NRXN2: variants seen among roughly 807,000 people sequenced by gnomAD.
NRXN2 encodes neurexin-2-beta.
Under a neutral mutation model 128.8 loss-of-function variants are expected in NRXN2, and 29 were observed. That is an observed-to-expected ratio of 0.23 (90% CI 0.17 to 0.31). The LOEUF (loss-of-function observed/expected upper bound fraction) is 0.31, where lower values mean the gene tolerates loss of function less well. Ranked by LOEUF, NRXN2 falls within the 10% of genes least tolerant of loss-of-function variation. NRXN2 has a pLI of 1.00. For missense variants in NRXN2, 1,881 were observed against 2,452.6 expected (o/e 0.77, Z 4.92); for synonymous variants, 1,098 against 1,075.2 (o/e 1.02, Z -0.41).
chr11:64,679,235 A>G (rs1361367063), intron 6 of NRXN2, among the ~76,000 whole-genome samples: 5 of 152,228 alleles, frequency 3.3e-5, no homozygotes, highest in African/African-American at 7.2e-5. Flanking sequence ...TAAAAATCCA[A>G]TTACTACTCT....
intron 19 of NRXN2, among the ~76,000 whole-genome samples, chr11:64,628,853 A>G (rs1034901459): frequency 2.0e-5 from 3 of 152,136 alleles, no homozygotes; most frequent in African/African-American, 4.8e-5. Flanking sequence ...GTGTCCCTAC[A>G]TGTACCCAGG....
At chr11:64,702,118 G>A (rs1447150758) in intron 2 of NRXN2, among the ~76,000 whole-genome samples, 28 of 147,204 alleles carry the variant, frequency 1.9e-4, no homozygotes, top group Admixed American at 3.3e-4. Flanking sequence ...CCGCCCGTCC[G>A]GGAGGTAGGT....
At chr11:64,693,233 T>G (rs1258727296) in intron 3 of NRXN2, among the ~76,000 whole-genome samples, 2 of 150,960 alleles carry the variant, frequency 1.3e-5, no homozygotes, top group Non-Finnish European at 2.9e-5. Flanking sequence ...TGGTTTCTTT[T>G]TTTCTTCTTG....
At chr11:64,615,870 ATG>A (rs1164856088) in intron 22 of NRXN2, among the ~76,000 whole-genome samples, 1 of 76,938 alleles carries the variant, frequency 1.3e-5, no homozygotes, top group Non-Finnish European at 2.8e-5. Context: ...GTGTGTGTGT[ATG>A]TGTATACCTC....
At chr11:64,659,072 T>G (rs1348467622) in intron 11 of NRXN2, among the ~76,000 whole-genome samples, 1 of 152,216 alleles carries the variant, frequency 6.6e-6, no homozygotes, top group Non-Finnish European at 1.5e-5. Context: ...CAGTCGAGGA[T>G]TCTAACCTGC....
chr11:64,708,285 G>C (rs2135656870), intron 2 of NRXN2, among the ~76,000 whole-genome samples: 1 of 152,252 alleles, frequency 6.6e-6, no homozygotes, highest in Middle Eastern at 3.4e-3. Context: ...ATTACGACTA[G>C]TTTCCTATTT....
At position 64,685,956 on chromosome 11, in the gene NRXN2, C is replaced by T. The variant is rs573837798; in HGVS notation, c.851-9G>A. On this transcript the variant is annotated splice_polypyrimidine_tract_variant and intron_variant, in intron 5 of 22. Coordinates refer to ENST00000265459, the MANE Select transcript of NRXN2 (RefSeq NM_015080.4). Reference sequence around the variant, plus strand: ...CACAAACTCCTCCTTGCCTGGATGCCGTGGTGTGGGGAAACGGGAGAAGGC... The same window carrying T: ...CACAAACTCCTCCTTGCCTGGATGCTGTGGTGTGGGGAAACGGGAGAAGGC... The T allele has an allele frequency of 1.2e-6, 2 of 1,614,096 alleles. No individual in the cohort carries two copies. The highest frequency in any genetic ancestry group is 1.3e-5 in the African/African-American group (1 of 75,018).
chr11:64,672,388 C>G (rs540936581), intron 7 of NRXN2, among the ~76,000 whole-genome samples: 1 of 152,340 alleles, frequency 6.6e-6, no homozygotes, highest in African/African-American at 2.4e-5. Context: ...GGGAAGTATC[C>G]TTCTGCCATC....
At chr11:64,679,770 A>G (rs1034970147) in intron 6 of NRXN2, among the ~76,000 whole-genome samples, 1 of 152,164 alleles carries the variant, frequency 6.6e-6, no homozygotes, top group Admixed American at 6.5e-5. Flanking sequence ...GGGCCCCTCT[A>G]GACCTAGGGA....
Position 64,677,045 on chromosome 11 carries a change from G to T in NRXN2, c.1153-8C>A. The T allele has an allele frequency of 1.3e-6, 2 of 1,518,316 alleles. No individual in the cohort carries two copies. Among genetic ancestry groups the T allele is most frequent in the Non-Finnish European group, 1.8e-6 (2 of 1,121,970 alleles). 94.1% of individuals were successfully genotyped at this position (1,518,316 alleles called of 1,614,324 possible). A position where few individuals can be genotyped will look rare whatever the true frequency, so the allele number is the denominator to read the frequency against. On this transcript the variant is annotated splice_polypyrimidine_tract_variant and splice_region_variant and intron_variant, in intron 6 of 22. Transcript: ENST00000265459. ...GTGTCCAATCCCTGCGTGCTTCACC[G>T]GAGATATGGGGGGATGGGGAGGAGG...
chr11:64,672,469 TG>T (rs2050761659), intron 7 of NRXN2, among the ~76,000 whole-genome samples: 1 of 152,122 alleles, frequency 6.6e-6, no homozygotes, highest in Non-Finnish European at 1.5e-5. Context: ...GGACTTAATC[TG>T]GGGAGAACAA....
chr11:64,694,736 T>C (rs903566749), intron 3 of NRXN2, among the ~76,000 whole-genome samples: 2 of 152,100 alleles, frequency 1.3e-5, no homozygotes, highest in African/African-American at 4.8e-5. Flanking sequence ...CAGCATCTCC[T>C]TCCAAACCCC....
At position 64,606,941 on chromosome 11, in the gene NRXN2, G is replaced by A; in HGVS notation, c.*255C>T. Reference sequence around the variant, plus strand: ...AAAATAAATCAACCCAGGGCTGTGAGCACGTGCCCTGCCTGGCAGGCGCAG... The same window carrying A: ...AAAATAAATCAACCCAGGGCTGTGAACACGTGCCCTGCCTGGCAGGCGCAG... On this transcript the variant is annotated 3_prime_UTR_variant, in exon 23 of 23. Coordinates refer to ENST00000265459, the MANE Select transcript of NRXN2 (RefSeq NM_015080.4). 1.8e-6 allele frequency: 1 copy of A among 546,478 alleles called. No homozygotes were observed. Among genetic ancestry groups the A allele is most frequent in the Middle Eastern group, 4.8e-4 (1 of 2,070 alleles). 33.9% of individuals were successfully genotyped at this position (546,478 alleles called of 1,614,324 possible).
chr11:64,665,024 T>C (rs1427767550), intron 9 of NRXN2, among the ~76,000 whole-genome samples: 2 of 148,590 alleles, frequency 1.3e-5, no homozygotes, highest in East Asian at 4.0e-4. Context: ...GGCTCACGCC[T>C]GTAATCCCAA....
At chr11:64,720,983 G>A (rs368792507) in intron 1 of NRXN2, among the ~76,000 whole-genome samples, 21 of 152,236 alleles carry the variant, frequency 1.4e-4, no homozygotes, top group African/African-American at 4.8e-4. Context: ...GCAGTGCTGC[G>A]CTGGGGGCTC....
chr11:64,686,805 G>A (rs2053122499), intron 5 of NRXN2, among the ~76,000 whole-genome samples: 1 of 152,224 alleles, frequency 6.6e-6, no homozygotes, highest in Admixed American at 6.5e-5. Context: ...GTGCATGTAT[G>A]TCCATAGGCA....
intron 11 of NRXN2, 125 bp from the exon 12 acceptor site, chr11:64,653,847 C>T (rs1314006211): frequency 1.6e-5 from 11 of 696,834 alleles, no homozygotes; most frequent in Non-Finnish European, 2.2e-5. Context: ...GGCCACTTTC[C>T]GGGGACCACG....
rs956501468 is a variant in NRXN2, at chr11:64,651,411, G to T, written c.2762C>A (p.Thr921Asn). Residue 921 changes from threonine (T) to asparagine (N), a missense_variant, in exon 14 of 23, where the codon ACC becomes AAC. Coordinates refer to ENST00000265459, the MANE Select transcript of NRXN2 (RefSeq NM_015080.4). This position sits in a 1 kb window ranked among gnomAD's most constrained non-coding sequence, Gnocchi z 5.9. ...CAGGTAGCTGCTGCGACTCTTGAAG[G>T]TGACGGGATCGGCCACGATGGCACG... ...GLRAIVADPV[T>N]FKSRSSYLAL... The T allele has an allele frequency of 6.2e-7, 1 of 1,614,098 alleles. No homozygotes were observed. Among genetic ancestry groups the T allele is most frequent in the Non-Finnish European group, 8.5e-7 (1 of 1,180,036 alleles).
chr11:64,675,070 C>T (rs1384663969), intron 7 of NRXN2: 1 of 152,222 alleles, frequency 6.6e-6, no homozygotes, highest in Admixed American at 6.5e-5. Flanking sequence ...TCTTGCCTCC[C>T]TTCTGTCCCT....
Sources: allele counts gnomAD v4.1 joint callset (sites outside exome capture counted in the v4.1 genomes callset), GRCh38; gene constraint gnomAD v4.1.1; non-coding constraint Gnocchi (gnomAD v3.1); transcripts MANE v1.5; gene names NCBI Gene and HGNC (gene_info 2026-07-23, HGNC 2026-07-21).